Variants in GALNT13 observed in about 807,000 individuals in gnomAD.
The protein encoded by GALNT13 is UDP-GalNAc:polypeptide N-acetylgalactosaminyltransferase 13.
A neutral mutation model predicts 64.2 loss-of-function variants in GALNT13; 28 were observed. The observed-to-expected ratio is 0.44, with a 90% CI of 0.32 to 0.60. The LOEUF (loss-of-function observed/expected upper bound fraction) is 0.60, where lower values mean the gene tolerates loss of function less well. Among genes scored for constraint, GALNT13 ranks in the 20% least tolerant of loss-of-function variants. GALNT13 has a pLI of 0.05. For synonymous variants in GALNT13, 214 were observed against 224.6 expected (o/e 0.95, Z 0.42); for missense variants, 577 against 669.8 (o/e 0.86, Z 1.53).
intron 9 of GALNT13, among the ~76,000 whole-genome samples, chr2:154,306,627 G>GGA (rs1553512855): frequency 6.9e-6 from 1 of 144,782 alleles, no homozygotes; most frequent in Admixed American, 6.9e-5. Context: ...GTGGGGGGGG[G>GGA]GTCAAGAAAT....
the GALNT13 span, among the ~76,000 whole-genome samples, chr2:153,765,893 C>T: frequency 6.6e-6 from 1 of 152,146 alleles, no homozygotes. Flanking sequence ...TTCACAAATT[C>T]TCTTGCCTGC....
At chr2:153,203,792 A>G in the GALNT13 span, among the ~76,000 whole-genome samples, 5 of 152,144 alleles carry the variant, frequency 3.3e-5, no homozygotes, top group African/African-American at 1.2e-4. Flanking sequence ...TATTACTCTT[A>G]TCATTTCCAT....
At chr2:154,416,183 T>G (rs901111432) in intron 11 of GALNT13, among the ~76,000 whole-genome samples, 1 of 152,116 alleles carries the variant, frequency 6.6e-6, no homozygotes, top group Admixed American at 6.6e-5. Flanking sequence ...CTATCTGGGT[T>G]GCTATAATAA....
chr2:153,461,829 C>T, the GALNT13 span, among the ~76,000 whole-genome samples: 1 of 152,126 alleles, frequency 6.6e-6, no homozygotes, highest in Admixed American at 6.6e-5. Flanking sequence ...ATGTGTGCTC[C>T]TCCCTAAGCC....
chr2:153,362,476 G>C, the GALNT13 span, among the ~76,000 whole-genome samples: 11 of 144,788 alleles, frequency 7.6e-5, no homozygotes, highest in African/African-American at 2.8e-4. Context: ...CTATTTTCGG[G>C]AGACACATCT....
intron 3 of GALNT13, among the ~76,000 whole-genome samples, chr2:154,012,286 TGCTTGTCTGAAAAG>T (rs1696686861): frequency 6.6e-6 from 1 of 152,206 alleles, no homozygotes. Context: ...TCTTAGTACT[TGCTTGTCTGAAAAG>T]AATTTTATTT....
At chr2:153,747,680 G>T in the GALNT13 span, among the ~76,000 whole-genome samples, 1 of 151,856 alleles carries the variant, frequency 6.6e-6, no homozygotes, top group Admixed American at 6.6e-5. Context: ...TTCTGCCTTG[G>T]CCTCCCAAAG....
chr2:153,900,094 C>T (rs575450444), intron 1 of GALNT13, among the ~76,000 whole-genome samples: 38 of 151,556 alleles, frequency 2.5e-4, no homozygotes, highest in Non-Finnish European at 5.0e-4. Flanking sequence ...CACTACCATG[C>T]CTGGCTAATT....
the GALNT13 span, among the ~76,000 whole-genome samples, chr2:153,754,984 G>C: frequency 2.6e-5 from 4 of 152,112 alleles, no homozygotes; most frequent in Middle Eastern, 6.3e-3. Flanking sequence ...ATAGCACTGT[G>C]TTCAATGCCT....
At chr2:153,751,610 C>G in the GALNT13 span, among the ~76,000 whole-genome samples, 1,174 of 151,876 alleles carry the variant, frequency 7.7e-3, 15 homozygotes, top group African/African-American at 0.027. Context: ...CAGTTTTTGT[C>G]TTGAAATCTA....
chr2:154,108,475 C>G (rs181138123), intron 3 of GALNT13, among the ~76,000 whole-genome samples: 1 of 151,890 alleles, frequency 6.6e-6, no homozygotes, highest in African/African-American at 2.4e-5. Context: ...CTTTCAATTT[C>G]TTACATATTT....
the GALNT13 span, among the ~76,000 whole-genome samples, chr2:153,781,806 G>A: frequency 6.6e-6 from 1 of 152,164 alleles, no homozygotes; most frequent in Admixed American, 6.5e-5. Context: ...AAATTCTATA[G>A]AGAATTGCAA....
At chr2:153,975,610 G>A (rs748444255) in intron 3 of GALNT13, among the ~76,000 whole-genome samples, 68 of 151,866 alleles carry the variant, frequency 4.5e-4, no homozygotes, top group Non-Finnish European at 7.7e-4. Flanking sequence ...TCACTCTACC[G>A]TGGATGAAAC....
chr2:153,210,570 T>C, the GALNT13 span, among the ~76,000 whole-genome samples: 2 of 152,194 alleles, frequency 1.3e-5, no homozygotes, highest in Non-Finnish European at 2.9e-5. Context: ...TTGTTAAAGA[T>C]TTTTGTACCT....
the GALNT13 span, among the ~76,000 whole-genome samples, chr2:153,112,346 T>A: frequency 6.6e-6 from 1 of 152,110 alleles, no homozygotes; most frequent in Admixed American, 6.6e-5. Flanking sequence ...GGGAGCCCTG[T>A]CTTGTCCATC....
the GALNT13 span, among the ~76,000 whole-genome samples, chr2:153,479,176 G>C: frequency 6.6e-6 from 1 of 152,210 alleles, no homozygotes; most frequent in Non-Finnish European, 1.5e-5. Context: ...TGGGCGAATG[G>C]AAAGTGGCGA....
chr2:154,183,701 G>A (rs943528553), intron 4 of GALNT13, among the ~76,000 whole-genome samples: 3 of 151,832 alleles, frequency 2.0e-5, no homozygotes, highest in Non-Finnish European at 4.4e-5. Flanking sequence ...AACAGAGTGA[G>A]ACCCTGTCTC....
chr2:153,758,188 C>A, the GALNT13 span, among the ~76,000 whole-genome samples: 1 of 151,676 alleles, frequency 6.6e-6, no homozygotes, highest in Non-Finnish European at 1.5e-5. Context: ...CAATTTTATT[C>A]TTTTGCATGT....
At chr2:154,341,936 T>G (rs1207717437) in intron 9 of GALNT13, among the ~76,000 whole-genome samples, 5 of 152,116 alleles carry the variant, frequency 3.3e-5, no homozygotes, top group Non-Finnish European at 5.9e-5. Flanking sequence ...GTTTGCAGGT[T>G]GAACAGATAT....
Sources: allele counts gnomAD v4.1 joint callset (sites outside exome capture counted in the v4.1 genomes callset), GRCh38; gene constraint gnomAD v4.1.1; transcripts MANE v1.5; gene names NCBI Gene and HGNC (gene_info 2026-07-23, HGNC 2026-07-21).